MACROD2: variants seen among roughly 807,000 people sequenced by gnomAD.
The protein encoded by MACROD2 is ADP-ribose glycohydrolase MACROD2.
Under a neutral mutation model 70.4 loss-of-function variants are expected in MACROD2, and 36 were observed. The observed-to-expected ratio is 0.51, with a 90% CI of 0.39 to 0.68. The LOEUF (loss-of-function observed/expected upper bound fraction) is 0.68, where lower values mean the gene tolerates loss of function less well. Ranked by LOEUF, MACROD2 falls within the 30% of genes least tolerant of loss-of-function variation. The pLI is 0.00. For missense variants in MACROD2, 496 were observed against 538.4 expected (o/e 0.92, Z 0.78); for synonymous variants, 172 against 178.8 (o/e 0.96, Z 0.30).
At chr20:14,184,921 T>C (rs577955815) in intron 3 of MACROD2, among the ~76,000 whole-genome samples, 1 of 152,272 alleles carries the variant, frequency 6.6e-6, no homozygotes, top group African/African-American at 2.4e-5. Flanking sequence ...TAAGAAGCTT[T>C]TGGGCTGATA....
intron 4 of MACROD2, among the ~76,000 whole-genome samples, chr20:14,625,420 A>G (rs1223812014): frequency 6.6e-6 from 1 of 152,106 alleles, no homozygotes; most frequent in Non-Finnish European, 1.5e-5. Context: ...AAGTGTGAAG[A>G]TCTTTGTAGT....
At chr20:14,108,570 A>G (rs1434308930) in intron 3 of MACROD2, among the ~76,000 whole-genome samples, 3 of 152,068 alleles carry the variant, frequency 2.0e-5, no homozygotes, top group Non-Finnish European at 4.4e-5. Context: ...AAGGGAGGGA[A>G]AAGATATTCC....
chr20:14,184,865 C>G (rs1183073248), intron 3 of MACROD2, among the ~76,000 whole-genome samples: 2 of 152,044 alleles, frequency 1.3e-5, no homozygotes, highest in Non-Finnish European at 1.5e-5. Flanking sequence ...GTGATTGTTG[C>G]ACACTGATTT....
chr20:15,461,833 C>T (rs1483080357), intron 7 of MACROD2, among the ~76,000 whole-genome samples: 1 of 152,084 alleles, frequency 6.6e-6, no homozygotes, highest in African/African-American at 2.4e-5. Flanking sequence ...GGATTCTTCC[C>T]GAATTGCTAT....
intron 6 of MACROD2, among the ~76,000 whole-genome samples, chr20:15,272,159 G>T (rs2146069779): frequency 6.6e-6 from 1 of 152,232 alleles, no homozygotes; most frequent in African/African-American, 2.4e-5. Flanking sequence ...ATAATTATTT[G>T]CTAAAAAAGG....
At chr20:14,545,865 A>G (rs748961277) in intron 4 of MACROD2, among the ~76,000 whole-genome samples, 1 of 143,134 alleles carries the variant, frequency 7.0e-6, no homozygotes, top group Non-Finnish European at 1.5e-5. Flanking sequence ...CAGTATTTAC[A>G]TATATGGGTA....
chr20:15,674,427 A>G (rs2050026680), intron 8 of MACROD2, among the ~76,000 whole-genome samples: 1 of 152,092 alleles, frequency 6.6e-6, no homozygotes. Context: ...AACCACTTTT[A>G]TGAAAGAATC....
intron 8 of MACROD2, among the ~76,000 whole-genome samples, chr20:15,679,852 T>A (rs890616311): frequency 3.3e-5 from 5 of 152,190 alleles, no homozygotes; most frequent in African/African-American, 9.7e-5. Context: ...CTGTGCATCA[T>A]CTGAATTCCA....
At chr20:15,197,373 A>G (rs187196845) in intron 5 of MACROD2, among the ~76,000 whole-genome samples, 2 of 152,234 alleles carry the variant, frequency 1.3e-5, no homozygotes. Context: ...TAAACATTGA[A>G]TGATATTCTT....
At chr20:15,984,099 G>A (rs534458488) in intron 13 of MACROD2, among the ~76,000 whole-genome samples, 20 of 147,652 alleles carry the variant, frequency 1.4e-4, no homozygotes, top group African/African-American at 4.6e-4. Flanking sequence ...TTGACCATAA[G>A]GTAAGATTTT....
In MACROD2 at chr20:14,982,955, A is replaced by G. The variant is rs554974475; in HGVS notation, c.419-246985A>G. Reference sequence around the variant, plus strand: ...TGCCTGGAAAATCTGCAGACACTCAATGCCAGCCTGTGAAGGCAGCCGGGA... The same window carrying G: ...TGCCTGGAAAATCTGCAGACACTCAGTGCCAGCCTGTGAAGGCAGCCGGGA... On this transcript the variant is annotated intron_variant, in intron 5 of 17. Coordinates refer to ENST00000684519, the MANE Select transcript of MACROD2 (RefSeq NM_001351661.2). Among the ~76,000 whole-genome samples, 46 of 152,252 alleles carry G rather than the reference A, an allele frequency of 3.0e-4. 1 individual carries two copies. The highest frequency in any genetic ancestry group is 1.3e-3 in the Admixed American group (20 of 15,292).
chr20:14,274,722 T>C (rs1302985471), intron 3 of MACROD2, among the ~76,000 whole-genome samples: 11 of 152,226 alleles, frequency 7.2e-5, no homozygotes, highest in Non-Finnish European at 1.5e-4. Flanking sequence ...TGTTTGCAGA[T>C]GACATGATTG....
chr20:16,036,546 A>G (rs751432449), intron 15 of MACROD2, among the ~76,000 whole-genome samples: 1 of 151,894 alleles, frequency 6.6e-6, no homozygotes, highest in Non-Finnish European at 1.5e-5. Context: ...TCTGGAATGT[A>G]CCTCTTGTTT....
At chr20:15,635,027 T>C (rs1275918024) in intron 8 of MACROD2, among the ~76,000 whole-genome samples, 1 of 152,240 alleles carries the variant, frequency 6.6e-6, no homozygotes, top group South Asian at 2.1e-4. Context: ...TCCTGACCTC[T>C]GCTTGCAGCA....
chr20:15,083,856 T>A (rs1286102412), intron 5 of MACROD2, among the ~76,000 whole-genome samples: 1 of 152,128 alleles, frequency 6.6e-6, no homozygotes, highest in East Asian at 1.9e-4. Context: ...TATTCAAACA[T>A]AGACCACCAG....
At chr20:14,319,429 T>A (rs2082639704) in intron 3 of MACROD2, among the ~76,000 whole-genome samples, 1 of 152,198 alleles carries the variant, frequency 6.6e-6, no homozygotes, top group South Asian at 2.1e-4. Flanking sequence ...CTTCCTCAGG[T>A]TGATATATCT....
intron 2 of MACROD2, among the ~76,000 whole-genome samples, chr20:14,085,360 A>G (rs899282445): frequency 2.0e-5 from 3 of 152,122 alleles, no homozygotes; most frequent in African/African-American, 4.8e-5. Flanking sequence ...AAAATTACCC[A>G]TAAGTATTGA....
intron 6 of MACROD2, among the ~76,000 whole-genome samples, chr20:15,316,211 A>G (rs1411544938): frequency 6.6e-6 from 1 of 152,110 alleles, no homozygotes; most frequent in Non-Finnish European, 1.5e-5. Flanking sequence ...CAGAATTAAG[A>G]ACTTCCTTAT....
intron 8 of MACROD2, among the ~76,000 whole-genome samples, chr20:15,584,926 G>A (rs1287986917): frequency 6.6e-6 from 1 of 152,218 alleles, no homozygotes; most frequent in Non-Finnish European, 1.5e-5. Flanking sequence ...TTGACAGAAA[G>A]GAATAGCCAT....
Sources: gnomAD v4.1 joint callset for allele counts (sites outside exome capture counted in the v4.1 genomes callset) on GRCh38, gnomAD v4.1.1 for gene constraint, MANE v1.5 for transcripts, NCBI Gene and HGNC (gene_info 2026-07-23, HGNC 2026-07-21) for gene names.